The following CADM3 variants were observed in gnomAD, a reference collection of about 807,000 sequenced individuals.
CADM3 encodes the protein TSLC1-like 1.
Under a neutral mutation model 44.9 loss-of-function variants are expected in CADM3, and 11 were observed. The observed-to-expected ratio is 0.25, with a 90% CI of 0.15 to 0.41. CADM3 has a LOEUF of 0.41. Among genes scored for constraint, CADM3 ranks in the 10% least tolerant of loss-of-function variants. CADM3 has a pLI of 1.00. For missense variants in CADM3, 426 were observed against 512.0 expected, an observed-to-expected ratio of 0.83 and a Z score of 1.62; for synonymous variants, 207 against 205.2, an observed-to-expected ratio of 1.01 and a Z score of -0.08.
chr1:159,181,599 A>C (rs947219758), intron 1 of CADM3, among the ~76,000 whole-genome samples: 2 of 152,172 alleles, frequency 1.3e-5, no homozygotes, highest in Non-Finnish European at 2.9e-5. Context: ...CACACAGCCC[A>C]GTCCCAGAAG....
At chr1:159,193,835 G>A (rs759268798) in intron 4 of CADM3, 35 bp from the exon 5 acceptor site, 1 of 1,607,308 alleles carries the variant, frequency 6.2e-7, no homozygotes, top group South Asian at 1.1e-5. Flanking sequence ...CTCTCTCTGT[G>A]TGTTTGTGTG....
chr1:159,171,694 C>A lies in CADM3; in HGVS notation c.-72C>A. ...CCTTTCGGTCAACATCGTAGTCCAC[C>A]CCCTCCCCATCCCCAGCCCCCGGGG... On this transcript the variant is annotated 5_prime_UTR_variant, in exon 1 of 9. Coordinates refer to ENST00000368125, the MANE Select transcript of CADM3 (RefSeq NM_001127173.3). 1 of 1,120,754 alleles carries A rather than the reference C, an allele frequency of 8.9e-7. No individual in the cohort carries two copies. The highest frequency in any genetic ancestry group is 4.6e-5 in the South Asian group (1 of 21,750). The allele number at this position is 1,120,754 out of a possible 1,614,324, so 69.4% of individuals were successfully genotyped here.
Position 159,192,618 on chromosome 1 carries a change from C to T in CADM3, c.270C>T (p.Pro90=). 6.2e-7 allele frequency: 1 copy of T among 1,614,182 alleles called. No homozygotes were observed. Among genetic ancestry groups the T allele is most frequent in the Non-Finnish European group, 8.5e-7 (1 of 1,180,036 alleles). Residue 90 remains proline (P), a synonymous_variant, in exon 3 of 9, where the codon CCC becomes CCT. Transcript: ENST00000368125. ...GAATTCAGCTGGTTACCTCTACGCCCCACGAGCTCAGCATCAGCATCAGCA... is the reference window on the plus strand; with the variant it reads ...GAATTCAGCTGGTTACCTCTACGCCTCACGAGCTCAGCATCAGCATCAGCA... ...DNRIQLVTST[P]HELSISISNV... is the part of the protein sequence containing the mutation.
At chr1:159,188,210 C>G (rs1330678032) in intron 1 of CADM3, among the ~76,000 whole-genome samples, 1 of 151,882 alleles carries the variant, frequency 6.6e-6, no homozygotes, top group Non-Finnish European at 1.5e-5. Flanking sequence ...GACTCTCTAA[C>G]GCTGCCTGCT....
intron 1 of CADM3, among the ~76,000 whole-genome samples, chr1:159,180,009 G>A (rs549902708): frequency 8.5e-4 from 129 of 152,174 alleles, no homozygotes; most frequent in Middle Eastern, 3.4e-3. Flanking sequence ...ATCCTCAATT[G>A]CCACTTAATG....
At chr1:159,196,573 G>A (rs1289936819) in intron 6 of CADM3, 119 bp downstream of exon 6, 1 of 836,278 alleles carries the variant, frequency 1.2e-6, no homozygotes, top group African/African-American at 1.7e-5. Context: ...TCATTTCCCT[G>A]ACTGTCCAAT....
intron 1 of CADM3, 55 bp from the exon 2 acceptor site, chr1:159,191,881 A>T: frequency 1.2e-6 from 2 of 1,608,678 alleles, no homozygotes; most frequent in Admixed American, 1.7e-5. Flanking sequence ...TTGGCTCAGA[A>T]ATGGGAGGAG....
chr1:159,171,784 T>C lies in CADM3; in HGVS notation c.19T>C (p.Ser7Pro), dbSNP rs1449995461. 8.1e-7 allele frequency: 1 copy of C among 1,241,190 alleles called. No individual in the cohort carries two copies. The highest frequency in any genetic ancestry group is 3.1e-5 in the East Asian group (1 of 32,080). 76.9% of individuals were successfully genotyped at this position (1,241,190 alleles called of 1,614,324 possible). A position where few individuals can be genotyped will look rare whatever the true frequency, so the allele number is the denominator to read the frequency against. Residue 7 changes from serine to proline, a missense_variant, in exon 1 of 9, where the codon TCG becomes CCG. By Grantham distance (74) the Ser-to-Pro change is moderately conservative. Coordinates refer to ENST00000368125, the MANE Select transcript of CADM3 (RefSeq NM_001127173.3). ...AAGCGCGATGGGGGCCCCAGCCGCC[T>C]CGCTCCTGCTCCTGCTCCTGCTGTT... The part of the protein sequence containing the change: MGAPAA[S>P]LLLLLLLFAC...
chr1:159,195,066 C>T lies in CADM3; in HGVS notation c.691+1026C>T, dbSNP rs1407824841. 3 of 152,208 alleles carry T rather than the reference C, an allele frequency of 2.0e-5. No individual in the cohort carries two copies. In the East Asian group the frequency reaches 5.8e-4, roughly 29 times the overall value. 9.4% of individuals were successfully genotyped at this position (152,208 alleles called of 1,614,324 possible). On this transcript the variant is annotated intron_variant, in intron 5 of 8. Coordinates refer to ENST00000368125, the MANE Select transcript of CADM3 (RefSeq NM_001127173.3). ...GAGTCGACCTAGGCCCAATTATTTT[C>T]CTAACTTCAGTGTTATTTAATCATA...
intron 5 of CADM3, chr1:159,194,398 G>A (rs1649805323): frequency 5.5e-6 from 1 of 182,878 alleles, no homozygotes; most frequent in Non-Finnish European, 1.2e-5. Context: ...CCAACCCGTG[G>A]TCTAGGCCAG....
rs2102082051 is a variant in CADM3, at chr1:159,171,697, CTCCCCA to C, written c.-62_-57del. On this transcript the variant is annotated 5_prime_UTR_variant, in exon 1 of 9. Coordinates refer to ENST00000368125, the MANE Select transcript of CADM3 (RefSeq NM_001127173.3). ...TTCGGTCAACATCGTAGTCCACCCCCTCCCCATCCCCAGCCCCCGGGGATTCAGGCT... is the reference window on the plus strand; with the variant it reads ...TTCGGTCAACATCGTAGTCCACCCCCTCCCCAGCCCCCGGGGATTCAGGCT... 1.8e-6 allele frequency: 2 copies of C among 1,135,020 alleles called. No homozygotes were observed. Among genetic ancestry groups the C allele is most frequent in the African/African-American group, 1.6e-5 (1 of 62,676 alleles). The allele number at this position is 1,135,020 out of a possible 1,614,324, so 70.3% of individuals were successfully genotyped here.
Position 159,193,987 on chromosome 1 carries a change from A to T in CADM3, c.638A>T (p.His213Leu), listed in dbSNP as rs896965574. ...GCGAGCATCGTGTGCTCTGTGAACC[A>T]TGAATCTCTAAAGGGAGCTGACAGA... The part of the protein sequence containing the change: ...DGASIVCSVN[H>L]ESLKGADRST... The change falls in exon 5 of 9, where the codon CAT becomes CTT. Residue 213 changes from histidine (H) to leucine (L), a missense_variant. Around this residue, in one of 2 missense-constraint regions of CADM3, gnomAD observed 362 missense variants for 474.6 expected, o/e 0.76. Coordinates refer to ENST00000368125, the MANE Select transcript of CADM3 (RefSeq NM_001127173.3). 1.2e-6 allele frequency: 2 copies of T among 1,614,096 alleles called. No individual in the cohort carries two copies. Among genetic ancestry groups the T allele is most frequent in the African/African-American group, 2.7e-5 (2 of 74,924 alleles).
Position 159,200,850 on chromosome 1 carries a change from C to A in CADM3, c.1125C>A (p.Asp375Glu). The A allele has an allele frequency of 1.2e-6, 2 of 1,611,162 alleles. No homozygotes were observed. Among genetic ancestry groups the A allele is most frequent in the East Asian group, 2.2e-5 (1 of 44,540 alleles). ...HEAKGSDDAP[D>E]ADTAIINAEG... Reference sequence around the variant, plus strand: ...CAAAAGGCTCCGACGATGCTCCAGACGCGGACACGGCCATCATCAATGCAG... The same window carrying A: ...CAAAAGGCTCCGACGATGCTCCAGAAGCGGACACGGCCATCATCAATGCAG... Residue 375 changes from aspartate (D) to glutamate (E), a missense_variant, in exon 9 of 9, where the codon GAC becomes GAA. By Grantham distance (45) the Asp-to-Glu change is conservative. Around this residue, in one of 2 missense-constraint regions of CADM3, gnomAD observed 362 missense variants for 474.6 expected, o/e 0.76. Transcript: ENST00000368125.
intron 1 of CADM3, among the ~76,000 whole-genome samples, chr1:159,177,831 T>C (rs964057900): frequency 1.3e-5 from 2 of 152,212 alleles, no homozygotes; most frequent in African/African-American, 4.8e-5. Context: ...ACTGAATGTT[T>C]TGTCATATCT....
chr1:159,192,669 G>C lies in CADM3; in HGVS notation c.321G>C (p.Glu107Asp). The change falls in exon 3 of 9, where the codon GAG becomes GAC. Residue 107 changes from glutamate to aspartate, a missense_variant. Glu to Asp is a conservative substitution (Grantham distance 45, BLOSUM62 2). This residue lies in a region of CADM3 where 362 missense variants were observed against 474.6 expected (regional missense o/e 0.76). Transcript: ENST00000368125. ...ISNVALADEG[E>D]YTCSIFTMPV... is the part of the protein sequence containing the mutation. ...ATGTGGCCCTGGCAGACGAGGGCGA[G>C]TACACCTGCTCAATCTTCACTATGC... is the stretch of plus-strand genomic sequence containing the variant. 1 of 1,614,064 alleles carries C rather than the reference G, an allele frequency of 6.2e-7. No homozygotes were observed. Among genetic ancestry groups the C allele is most frequent in the South Asian group, 1.1e-5 (1 of 91,060 alleles).
intron 1 of CADM3, among the ~76,000 whole-genome samples, chr1:159,186,855 A>C (rs1649439244): frequency 6.6e-6 from 1 of 152,208 alleles, no homozygotes; most frequent in Non-Finnish European, 1.5e-5. Context: ...TTCTTAAGAC[A>C]CCACAAACCA....
chr1:159,195,828 T>G (rs1649868981), intron 5 of CADM3: 1 of 152,850 alleles, frequency 6.5e-6, no homozygotes, highest in Non-Finnish European at 1.5e-5. Context: ...CCCTTCTATA[T>G]TGTGTCAGTG....
At chr1:159,174,374 T>G (rs984737677) in intron 1 of CADM3, among the ~76,000 whole-genome samples, 2 of 152,330 alleles carry the variant, frequency 1.3e-5, no homozygotes, top group African/African-American at 4.8e-5. Context: ...TACCCCTGAG[T>G]TGGCCTGGGG....
At position 159,175,762 on chromosome 1, in the gene CADM3, G is replaced by A. The variant is rs3026960; in HGVS notation, c.88+3909G>A. On this transcript the variant is annotated intron_variant, in intron 1 of 8. Coordinates refer to ENST00000368125, the MANE Select transcript of CADM3 (RefSeq NM_001127173.3). The stretch of plus-strand genomic sequence containing the variant: ...AAGGTCCAAATCTAATTGCAAGAGT[G>A]CCTTGTTGGAGATATTCACTATTCA... 5.6e-3 allele frequency among the ~76,000 whole-genome samples: 853 copies of A among 152,290 alleles called. 19 individuals carry two copies. The highest frequency in any genetic ancestry group is 0.038 in the Admixed American group (575 of 15,302).
Sources: allele counts gnomAD v4.1 joint callset (sites outside exome capture counted in the v4.1 genomes callset), GRCh38; gene constraint gnomAD v4.1.1; regional missense constraint gnomAD v4.1.1; transcripts MANE v1.5; gene names NCBI Gene and HGNC (gene_info 2026-07-23, HGNC 2026-07-21).